The following USP3 variants were observed in gnomAD, a reference collection of about 807,000 sequenced individuals.
The protein encoded by USP3 is ubiquitin specific peptidase 3, also known as ubiquitin carboxyl-terminal hydrolase 3.
In USP3, 20 loss-of-function variants were observed where a neutral mutation model predicts 72.3. That is an observed-to-expected ratio of 0.28 (90% CI 0.19 to 0.40). The LOEUF (loss-of-function observed/expected upper bound fraction) is 0.40. Among genes scored for constraint, USP3 ranks in the 10% least tolerant of loss-of-function variants. The pLI, the probability that USP3 is intolerant of heterozygous loss-of-function variation, is 1.00. For missense variants in USP3, 479 were observed against 633.9 expected (o/e 0.76, Z 2.62); for synonymous variants, 222 against 225.3 (o/e 0.99, Z 0.13).
intron 1 of USP3, chr15:63,532,398 T>A: frequency 1.8e-6 from 1 of 567,156 alleles, no homozygotes; most frequent in Non-Finnish European, 3.2e-6. Context: ...TATATGTGTT[T>A]AACGTGGTTA....
chr15:63,569,336 T>G (rs2066743485), intron 8 of USP3, among the ~76,000 whole-genome samples: 1 of 152,208 alleles, frequency 6.6e-6, no homozygotes, highest in Admixed American at 6.5e-5. Flanking sequence ...GCCAGCTAGT[T>G]TAGAAAAAGC....
Position 63,580,661 on chromosome 15 carries a change from A to T in USP3, c.1096+6258A>T, listed in dbSNP as rs1356289097. ...TGGTGCATATATATATGAATATATA[A>T]TATATATATGAATATATAATATATA... On this transcript the variant is annotated intron_variant, in intron 11 of 14. Transcript: ENST00000380324. Among the ~76,000 whole-genome samples, 6 of 10,784 alleles carry T rather than the reference A, an allele frequency of 5.6e-4. 1 individual carries two copies. The highest frequency in any genetic ancestry group is 3.9e-3 in the African/African-American group (5 of 1,270). The allele number at this position is 10,784 out of a possible 152,430, so 7.1% of individuals were successfully genotyped here.
At chr15:63,521,111 A>T (rs540041343) in intron 1 of USP3, among the ~76,000 whole-genome samples, 1 of 150,578 alleles carries the variant, frequency 6.6e-6, no homozygotes. Context: ...TTTCCCTCAC[A>T]AAAGATAGCA....
intron 6 of USP3, among the ~76,000 whole-genome samples, chr15:63,558,564 C>A (rs374398562): frequency 6.7e-6 from 1 of 150,216 alleles, no homozygotes; most frequent in African/African-American, 2.4e-5. Flanking sequence ...CCCACCCCCC[C>A]GCTCTTTATT....
At chr15:63,575,503 T>A (rs144039593) in intron 11 of USP3, among the ~76,000 whole-genome samples, 55 of 152,286 alleles carry the variant, frequency 3.6e-4, no homozygotes, top group African/African-American at 1.2e-3. Flanking sequence ...TCTAGAAATC[T>A]GTCAGATGAT....
At chr15:63,531,820 G>T (rs1296583934) in intron 1 of USP3, among the ~76,000 whole-genome samples, 1 of 152,116 alleles carries the variant, frequency 6.6e-6, no homozygotes, top group Non-Finnish European at 1.5e-5. Context: ...CTCCCAAGGG[G>T]CTGTATTAGG....
At position 63,574,361 on chromosome 15, in the gene USP3, C is replaced by T. The variant is rs770724178; in HGVS notation, c.1054C>T (p.Arg352Cys). ...LDIPSQFRSKRSKNQENGPVC... is the reference protein window; with the variant it reads ...LDIPSQFRSKCSKNQENGPVC... ...TATTCCAAGTCAGTTCAGAAGTAAG[C>T]GCTCTAAGAATCAAGAAAATGGACC... Residue 352 changes from arginine (R) to cysteine (C), a missense_variant, in exon 11 of 15, where the codon CGC becomes TGC. Arg to Cys is a radical substitution (Grantham distance 180). Transcript: ENST00000380324. This position sits in a 1 kb window ranked among gnomAD's most constrained non-coding sequence, Gnocchi z 4.6. 1.4e-5 allele frequency: 23 copies of T among 1,605,630 alleles called. No homozygotes were observed. The East Asian group carries it at 3.8e-4, about 27-fold the overall frequency.
rs553892526 is a variant in USP3, at chr15:63,521,133, T to C, written c.92-11514T>C. Among the ~76,000 whole-genome samples, 112 of 143,054 alleles carry C rather than the reference T, an allele frequency of 7.8e-4. 3 individuals are homozygous for C. In the South Asian group the frequency reaches 0.024, roughly 30 times the overall value. 93.8% of individuals were successfully genotyped at this position (143,054 alleles called of 152,430 possible). ...CACAAAAGATAGCAAACTAGATACA[T>C]TCTTTTGGACTTTTTTTTTTTTTCA... On this transcript the variant is annotated intron_variant, in intron 1 of 14. Transcript: ENST00000380324.
chr15:63,531,177 C>T (rs551400490), intron 1 of USP3, among the ~76,000 whole-genome samples: 23 of 152,332 alleles, frequency 1.5e-4, no homozygotes, highest in Admixed American at 5.2e-4. Flanking sequence ...CTCCTATTCT[C>T]ACCTCCTGTC....
intron 1 of USP3, among the ~76,000 whole-genome samples, chr15:63,522,891 G>A (rs752163391): frequency 1.5e-4 from 23 of 152,184 alleles, no homozygotes; most frequent in Non-Finnish European, 2.5e-4. Context: ...AGTGAACCAG[G>A]ATTTAATGTC....
At chr15:63,567,520 G>T (rs2066710745) in intron 8 of USP3, among the ~76,000 whole-genome samples, 1 of 152,026 alleles carries the variant, frequency 6.6e-6, no homozygotes, top group South Asian at 2.1e-4. Flanking sequence ...CTAATTTTTT[G>T]TATTTTTAGT....
Position 63,553,624 on chromosome 15 carries a change from A to G in USP3, c.285-91A>G, listed in dbSNP as rs1453060005. The G allele has an allele frequency of 1.7e-6, 2 of 1,167,788 alleles. No homozygotes were observed. Among genetic ancestry groups the G allele is most frequent in the East Asian group, 5.5e-5 (2 of 36,608 alleles). 72.3% of individuals were successfully genotyped at this position (1,167,788 alleles called of 1,614,324 possible). A position where few individuals can be genotyped will look rare whatever the true frequency, so the allele number is the denominator to read the frequency against. ...CAGTAACTGCCTGCAGAGCCATGTG[A>G]TCATCTTGGCAACAGCCAGACCTTT... On this transcript the variant is annotated intron_variant, in intron 3 of 14. Coordinates refer to ENST00000380324, the MANE Select transcript of USP3 (RefSeq NM_006537.4). The surrounding 1 kb of genome is among the most constrained non-coding windows in gnomAD (Gnocchi z 4.2).
At chr15:63,521,413 T>C (rs2065919555) in intron 1 of USP3, among the ~76,000 whole-genome samples, 1 of 152,244 alleles carries the variant, frequency 6.6e-6, no homozygotes, top group Admixed American at 6.5e-5. Context: ...TTTTTAATTG[T>C]GTGAGCAGCA....
chr15:63,589,071 G>C (rs2067133234), intron 14 of USP3, 60 bp downstream of exon 14: 1 of 1,575,644 alleles, frequency 6.3e-7, no homozygotes, highest in Non-Finnish European at 8.7e-7. Flanking sequence ...CCAATGACCT[G>C]CAGTTTTGTA....
At chr15:63,515,046 T>A (rs1323666931) in intron 1 of USP3, among the ~76,000 whole-genome samples, 1 of 152,254 alleles carries the variant, frequency 6.6e-6, no homozygotes, top group Non-Finnish European at 1.5e-5. Flanking sequence ...TTTTTGAAGC[T>A]ATTTGTGTCT....
chr15:63,573,198 C>G (rs2066807647), intron 9 of USP3, among the ~76,000 whole-genome samples: 1 of 152,168 alleles, frequency 6.6e-6, no homozygotes, highest in African/African-American at 2.4e-5. Flanking sequence ...AATCTGACTT[C>G]ATACTAATAA....
chr15:63,573,275 C>G (rs1281092331), intron 9 of USP3, among the ~76,000 whole-genome samples: 3 of 151,958 alleles, frequency 2.0e-5, no homozygotes, highest in Non-Finnish European at 4.4e-5. Flanking sequence ...TTCACATACA[C>G]AACTCTCTCA....
intron 14 of USP3, 113 bp downstream of exon 14, chr15:63,589,124 T>A: frequency 8.0e-7 from 1 of 1,248,238 alleles, no homozygotes; most frequent in Non-Finnish European, 1.2e-6. Context: ...TCAGATAAAG[T>A]AGGTGAAATT....
intron 11 of USP3, among the ~76,000 whole-genome samples, chr15:63,583,489 A>G (rs2066999658): frequency 6.6e-6 from 1 of 152,190 alleles, no homozygotes; most frequent in Non-Finnish European, 1.5e-5. Flanking sequence ...TTGTGGTAAA[A>G]TATACATAGA....
Sources: allele counts gnomAD v4.1 joint callset (sites outside exome capture counted in the v4.1 genomes callset), GRCh38; gene constraint gnomAD v4.1.1; non-coding constraint Gnocchi (gnomAD v3.1); transcripts MANE v1.5; gene names NCBI Gene and HGNC (gene_info 2026-07-23, HGNC 2026-07-21).